Variants in STARD5 observed in about 807,000 individuals in gnomAD.
STARD5 encodes the protein StAR related lipid transfer domain containing 5, also known as stAR-related lipid transfer protein 5.
STARD5 carries 26 observed loss-of-function variants against 24.6 expected under a neutral mutation model. The observed-to-expected ratio is 1.06, with a 90% confidence interval of 0.77 to 1.47. The LOEUF (loss-of-function observed/expected upper bound fraction) is 1.47, where lower values mean the gene tolerates loss of function less well. STARD5 is among the 40% of genes most tolerant of loss of function. The probability of loss-of-function intolerance (pLI) is 0.00; values close to 1 mark genes in which losing one functional copy is unlikely to be tolerated. For synonymous variants in STARD5, 101 were observed against 99.7 expected (o/e 1.01, Z -0.07); for missense variants, 254 against 270.8 (o/e 0.94, Z 0.44).
At position 81,311,404 on chromosome 15, in the gene STARD5, G is replaced by A. The variant is rs908239015; in HGVS notation, c.*1852C>T. 4 of 152,224 alleles carry A rather than the reference G, an allele frequency of 2.6e-5. No homozygotes were observed. Among genetic ancestry groups the A allele is most frequent in the African/African-American group, 9.7e-5 (4 of 41,446 alleles). 9.4% of individuals were successfully genotyped at this position (152,224 alleles called of 1,614,324 possible). A position where few individuals can be genotyped will look rare whatever the true frequency, so the allele number is the denominator to read the frequency against. On this transcript the variant is annotated 3_prime_UTR_variant, in exon 6 of 6. Transcript: ENST00000302824. ...AGACAAATCAAAGCAGATATATTAA[G>A]TGACTGTTCAAGAGCACACTTGGCC...
intron 3 of STARD5, among the ~76,000 whole-genome samples, chr15:81,321,064 T>G (rs1246516031): frequency 6.6e-5 from 10 of 152,214 alleles, no homozygotes; most frequent in African/African-American, 2.2e-4. Context: ...GAGCTACCAC[T>G]TGGCAATTCT....
chr15:81,316,380 CACTCTAGCTGTTTTGAG>C (rs928883147), intron 5 of STARD5, among the ~76,000 whole-genome samples: 2 of 152,196 alleles, frequency 1.3e-5, no homozygotes, highest in Non-Finnish European at 2.9e-5. Context: ...AGAGGGCAGA[CACTCTAGCTGTTTTGAG>C]ACATCAATAT....
At position 81,310,247 on chromosome 15, in the gene STARD5, T is replaced by A. The variant is rs950994302; in HGVS notation, c.*3009A>T. On this transcript the variant is annotated 3_prime_UTR_variant, in exon 6 of 6. Coordinates refer to ENST00000302824, the MANE Select transcript of STARD5 (RefSeq NM_181900.3). ...CAGGCCATCATCAGTGGAGCCATGT[T>A]AATGTAATCTGATGGCTTCTCCAGG... The A allele has an allele frequency of 1.3e-5, 2 of 152,250 alleles. No individual in the cohort carries two copies. The highest frequency in any genetic ancestry group is 2.9e-5 in the Non-Finnish European group (2 of 68,042). The allele number at this position is 152,250 out of a possible 1,614,324, so 9.4% of individuals were successfully genotyped here.
intron 5 of STARD5, among the ~76,000 whole-genome samples, chr15:81,316,478 T>C (rs1901085404): frequency 6.6e-6 from 1 of 152,246 alleles, no homozygotes; most frequent in Non-Finnish European, 1.5e-5. Flanking sequence ...TTGCTGGCTG[T>C]GTGACCTTGG....
At chr15:81,322,688 C>G in intron 2 of STARD5, 148 bp from the exon 3 acceptor site, 3 of 1,364,582 alleles carry the variant, frequency 2.2e-6, no homozygotes, top group Non-Finnish European at 3.0e-6. Flanking sequence ...GTCACTAGCC[C>G]CGCCTCCCTT....
Position 81,310,513 on chromosome 15 carries a change from C to G in STARD5, c.*2743G>C, listed in dbSNP as rs138710157. 3 of 152,174 alleles carry G rather than the reference C, an allele frequency of 2.0e-5. No individual in the cohort carries two copies. The highest frequency in any genetic ancestry group is 4.8e-5 in the African/African-American group (2 of 41,422). 9.4% of individuals were successfully genotyped at this position (152,174 alleles called of 1,614,324 possible). ...GCAATTAGACAAGAACTTGGAGGCA[C>G]CATTTGTATCCACTTTTTAGACTTA... On this transcript the variant is annotated 3_prime_UTR_variant, in exon 6 of 6. Coordinates refer to ENST00000302824, the MANE Select transcript of STARD5 (RefSeq NM_181900.3).
Position 81,313,033 on chromosome 15 carries a change from T to A in STARD5, c.*223A>T. On this transcript the variant is annotated 3_prime_UTR_variant, in exon 6 of 6. Transcript: ENST00000302824. ...GTGTTTGGGTAACAGGCAGATGGAG[T>A]TTGGAACACATGAATGGCTCATCAC... The A allele has an allele frequency of 2.7e-6, 1 of 374,280 alleles. No homozygotes were observed. Among genetic ancestry groups the A allele is most frequent in the Non-Finnish European group, 4.6e-6 (1 of 215,146 alleles). The allele number at this position is 374,280 out of a possible 1,614,324, so 23.2% of individuals were successfully genotyped here.
intron 5 of STARD5, 113 bp from the exon 6 acceptor site, chr15:81,313,516 G>T: frequency 9.5e-7 from 1 of 1,057,444 alleles, no homozygotes; most frequent in Non-Finnish European, 1.3e-6. Context: ...TACAGTGATC[G>T]CGTCTCATCC....
intron 5 of STARD5, among the ~76,000 whole-genome samples, chr15:81,316,404 A>G (rs529621952): frequency 1.3e-5 from 2 of 152,330 alleles, no homozygotes; most frequent in East Asian, 1.9e-4. Context: ...TGAGACATCA[A>G]TATCTGGGTT....
At position 81,318,496 on chromosome 15, in the gene STARD5, T is replaced by C. The variant is rs1390839017; in HGVS notation, c.407A>G (p.His136Arg). ...CGGGGGACATAACGGATGCTCCACA[T>C]GGGTGGCTGGAAGACAGTGCAGAAT... The part of the protein sequence containing the change: ...EDGTISSNAT[H>R]VEHPLCPPKP... Residue 136 changes from histidine (H) to arginine (R), a missense_variant, in exon 5 of 6, where the codon CAT becomes CGT. His to Arg is a conservative substitution (Grantham distance 29). Coordinates refer to ENST00000302824, the MANE Select transcript of STARD5 (RefSeq NM_181900.3). 2.5e-6 allele frequency: 4 copies of C among 1,613,690 alleles called. No individual in the cohort carries two copies. Among genetic ancestry groups the C allele is most frequent in the East Asian group, 4.5e-5 (2 of 44,866 alleles).
chr15:81,314,652 G>A (rs992604668), intron 5 of STARD5, among the ~76,000 whole-genome samples: 1 of 152,050 alleles, frequency 6.6e-6, no homozygotes, highest in East Asian at 1.9e-4. Context: ...TTGGGAGGTC[G>A]AGGCAGGTGG....
At chr15:81,319,024 A>T (rs1596071335) in intron 4 of STARD5, among the ~76,000 whole-genome samples, 1 of 151,988 alleles carries the variant, frequency 6.6e-6, no homozygotes, top group South Asian at 2.1e-4. Flanking sequence ...ACGGCCATAG[A>T]TTTTGCACAC....
chr15:81,316,531 A>T (rs7166842), intron 5 of STARD5, among the ~76,000 whole-genome samples: 3,652 of 152,272 alleles, frequency 0.024, 155 homozygotes, highest in African/African-American at 0.084. Context: ...TTCTTATTTT[A>T]AAAATGAGGA....
intron 5 of STARD5, among the ~76,000 whole-genome samples, chr15:81,318,081 C>T (rs1015306616): frequency 6.6e-6 from 1 of 152,164 alleles, no homozygotes; most frequent in Non-Finnish European, 1.5e-5. Context: ...TGAGTCAGGA[C>T]ACATCACTGA....
rs563398215 is a variant in STARD5, at chr15:81,310,695, C to T, written c.*2561G>A. Reference sequence around the variant, plus strand: ...ACCATCTGTGCACGCAGTGGCCTTCCCTAAAATCAGGGAATTGTTTTAAGT... The same window carrying T: ...ACCATCTGTGCACGCAGTGGCCTTCTCTAAAATCAGGGAATTGTTTTAAGT... On this transcript the variant is annotated 3_prime_UTR_variant, in exon 6 of 6. Coordinates refer to ENST00000302824, the MANE Select transcript of STARD5 (RefSeq NM_181900.3). 62 of 152,260 alleles carry T rather than the reference C, an allele frequency of 4.1e-4. No individual in the cohort carries two copies. Among genetic ancestry groups the T allele is most frequent in the African/African-American group, 1.4e-3 (60 of 41,534 alleles). 9.4% of individuals were successfully genotyped at this position (152,260 alleles called of 1,614,324 possible).
rs1023351261 is a variant in STARD5, at chr15:81,310,036, C to T, written c.*3220G>A. On this transcript the variant is annotated 3_prime_UTR_variant, in exon 6 of 6. Transcript: ENST00000302824. The stretch of plus-strand genomic sequence containing the variant: ...TGGCCAAAGGGATATTTGGTTTGGC[C>T]ATCTCTGGATGCCTGATTGCCAAGC... The T allele has an allele frequency of 1.3e-5, 2 of 152,180 alleles. No individual in the cohort carries two copies. The highest frequency in any genetic ancestry group is 4.8e-5 in the African/African-American group (2 of 41,450). 9.4% of individuals were successfully genotyped at this position (152,180 alleles called of 1,614,324 possible).
intron 3 of STARD5, among the ~76,000 whole-genome samples, chr15:81,321,492 C>T (rs1300835398): frequency 6.6e-6 from 1 of 151,870 alleles, no homozygotes. Flanking sequence ...CCCCTGTAGT[C>T]CCAGCTACTT....
intron 4 of STARD5, 81 bp downstream of exon 4, chr15:81,319,258 T>G (rs1901146201): frequency 2.3e-6 from 3 of 1,279,438 alleles, no homozygotes; most frequent in East Asian, 2.3e-5. Context: ...GTTGCTTGGC[T>G]TTCCTTAAGG....
At position 81,310,687 on chromosome 15, in the gene STARD5, T is replaced by C. The variant is rs1178565947; in HGVS notation, c.*2569A>G. The C allele has an allele frequency of 2.0e-5, 3 of 152,164 alleles. No homozygotes were observed. The highest frequency in any genetic ancestry group is 4.8e-5 in the African/African-American group (2 of 41,428). 9.4% of individuals were successfully genotyped at this position (152,164 alleles called of 1,614,324 possible). The stretch of plus-strand genomic sequence containing the variant: ...ACAAACTCACCATCTGTGCACGCAG[T>C]GGCCTTCCCTAAAATCAGGGAATTG... On this transcript the variant is annotated 3_prime_UTR_variant, in exon 6 of 6. Coordinates refer to ENST00000302824, the MANE Select transcript of STARD5 (RefSeq NM_181900.3).
Sources: gnomAD v4.1 joint callset for allele counts (sites outside exome capture counted in the v4.1 genomes callset) on GRCh38, gnomAD v4.1.1 for gene constraint, MANE v1.5 for transcripts, NCBI Gene and HGNC (gene_info 2026-07-23, HGNC 2026-07-21) for gene names.